The following ENTPD6 variants were observed in gnomAD, a reference collection of about 807,000 sequenced individuals.
The protein encoded by ENTPD6 is ectonucleoside triphosphate diphosphohydrolase 6, also known as CD39 antigen-like 2.
Under a neutral mutation model 61.5 loss-of-function variants are expected in ENTPD6, and 46 were observed. That is an observed-to-expected ratio of 0.75 (90% CI 0.59 to 0.96). ENTPD6 has a LOEUF of 0.96. Ranked by LOEUF, ENTPD6 falls within the 40% of genes least tolerant of loss-of-function variation. ENTPD6 has a pLI of 0.00. For missense variants in ENTPD6, 612 were observed against 629.0 expected (o/e 0.97, Z 0.29); for synonymous variants, 252 against 255.5 (o/e 0.99, Z 0.13).
At chr20:25,212,276 G>T (rs1375429638) in intron 4 of ENTPD6, among the ~76,000 whole-genome samples, 1 of 152,204 alleles carries the variant, frequency 6.6e-6, no homozygotes, top group Non-Finnish European at 1.5e-5. Context: ...GTGGCTCCTC[G>T]TTGTAGTTAT....
intron 1 of ENTPD6, among the ~76,000 whole-genome samples, chr20:25,196,452 G>T (rs146474355): frequency 2.6e-5 from 4 of 152,306 alleles, no homozygotes; most frequent in African/African-American, 9.6e-5. Flanking sequence ...ACATTCAACA[G>T]CCAGGAGAGC....
At chr20:25,205,590 G>A (rs2091418766) in intron 1 of ENTPD6, among the ~76,000 whole-genome samples, 3 of 152,214 alleles carry the variant, frequency 2.0e-5, no homozygotes. Flanking sequence ...GCCCCCGAGT[G>A]TGGTGGGACC....
intron 1 of ENTPD6, among the ~76,000 whole-genome samples, chr20:25,204,599 A>C (rs193072605): frequency 1.7e-4 from 26 of 152,236 alleles, no homozygotes; most frequent in African/African-American, 6.0e-4. Context: ...GTCATCCTAC[A>C]GCTTTGCCTA....
intron 13 of ENTPD6, chr20:25,224,918 T>G: frequency 2.3e-6 from 1 of 441,914 alleles, no homozygotes; most frequent in Non-Finnish European, 4.0e-6. Context: ...CTGGGAGAGG[T>G]GTCCAGGGTC....
chr20:25,213,333 C>G lies in ENTPD6; in HGVS notation c.524C>G (p.Thr175Ser). ...ATTCCGTTCGACTTCTGGAAGGCCA[C>G]CCCTCTGGTCCTCAAGGCCACAGCT... ...QDIPFDFWKA[T>S]PLVLKATAGL... Residue 175 changes from threonine to serine, a missense_variant, in exon 5 of 15, where the codon ACC becomes AGC. Coordinates refer to ENST00000376652, the MANE Select transcript of ENTPD6 (RefSeq NM_001247.5). 1 of 1,614,188 alleles carries G rather than the reference C, an allele frequency of 6.2e-7. No homozygotes were observed. Among genetic ancestry groups the G allele is most frequent in the Non-Finnish European group, 8.5e-7 (1 of 1,180,008 alleles).
intron 1 of ENTPD6, among the ~76,000 whole-genome samples, chr20:25,199,092 A>T (rs2090803200): frequency 6.6e-6 from 1 of 152,164 alleles, no homozygotes. Context: ...CTGGCTGAGC[A>T]GCTGCTGGGA....
intron 12 of ENTPD6, 38 bp downstream of exon 12, chr20:25,223,016 GCGGCAGGGGGC>G: frequency 6.4e-7 from 1 of 1,566,676 alleles, no homozygotes; most frequent in Non-Finnish European, 8.7e-7. Flanking sequence ...GAAGGTCGGG[GCGGCAGGGGGC>G]GGGGGTGGAG....
intron 2 of ENTPD6, among the ~76,000 whole-genome samples, chr20:25,206,857 G>A (rs2091540753): frequency 6.6e-6 from 1 of 152,190 alleles, no homozygotes; most frequent in Non-Finnish European, 1.5e-5. Context: ...GCGACCTTGA[G>A]CAGGCTGTCC....
chr20:25,205,600 C>T (rs2091419373), intron 1 of ENTPD6, among the ~76,000 whole-genome samples: 1 of 152,196 alleles, frequency 6.6e-6, no homozygotes, highest in African/African-American at 2.4e-5. Flanking sequence ...GTGGTGGGAC[C>T]CAGGCCCAGA....
chr20:25,221,959 G>A (rs569870221), intron 11 of ENTPD6: 22 of 156,438 alleles, frequency 1.4e-4, no homozygotes, highest in Non-Finnish European at 2.3e-4. Context: ...AGACAGTGAA[G>A]CTCATCGGGA....
At position 25,210,063 on chromosome 20, in the gene ENTPD6, G is replaced by C. The variant is rs557018811; in HGVS notation, c.453+138G>C. 148 of 825,528 alleles carry C rather than the reference G, an allele frequency of 1.8e-4. 1 individual carries two copies. The highest frequency in any genetic ancestry group is 4.2e-4 in the East Asian group (17 of 40,768). 51.1% of individuals were successfully genotyped at this position (825,528 alleles called of 1,614,324 possible). On this transcript the variant is annotated intron_variant, in intron 4 of 14. Coordinates refer to ENST00000376652, the MANE Select transcript of ENTPD6 (RefSeq NM_001247.5). Reference sequence around the variant, plus strand: ...TGCCTGGGCATTTCATGCCATTTGGGATGGTCAGAAGAGAGAAGGTGTGCA... The same window carrying C: ...TGCCTGGGCATTTCATGCCATTTGGCATGGTCAGAAGAGAGAAGGTGTGCA...
At position 25,222,963 on chromosome 20, in the gene ENTPD6, G is replaced by C; in HGVS notation, c.1171G>C (p.Gly391Arg). 1.2e-6 allele frequency: 2 copies of C among 1,613,844 alleles called. No individual in the cohort carries two copies. The highest frequency in any genetic ancestry group is 1.7e-6 in the Non-Finnish European group (2 of 1,179,982). The part of the protein sequence containing the change: ...AFSYYYDLAA[G>R]VGLIDAEKGG... ...CTCCTACTATTACGACCTTGCAGCT[G>C]GTGTGGGCCTCATAGGTAAGGGGGC... The change falls in exon 12 of 15, where the codon GGT becomes CGT. Residue 391 changes from glycine to arginine, a missense_variant. Coordinates refer to ENST00000376652, the MANE Select transcript of ENTPD6 (RefSeq NM_001247.5).
rs1172101956 is a variant in ENTPD6, at chr20:25,227,904, A to G, written c.*2307A>G. Among the ~76,000 whole-genome samples the G allele has an allele frequency of 6.6e-6, 1 of 152,290 alleles. No individual in the cohort carries two copies. The highest frequency in any genetic ancestry group is 2.4e-5 in the African/African-American group (1 of 41,484). On this transcript the variant is annotated 3_prime_UTR_variant, in exon 15 of 15. Transcript: ENST00000376652. The stretch of plus-strand genomic sequence containing the variant: ...ATCTTTGCCATTCTGGCAGATTTAA[A>G]AAAATGATAACTGGTAGTTTTAATA...
chr20:25,195,950 C>A, intron 1 of ENTPD6, 83 bp downstream of exon 1: 1 of 1,118,286 alleles, frequency 8.9e-7, no homozygotes, highest in Non-Finnish European at 1.1e-6. Flanking sequence ...GCGCGCTGCG[C>A]TCCGGAGGAC....
At chr20:25,209,792 A>T in intron 3 of ENTPD6, 57 bp from the exon 4 acceptor site, 1 of 1,436,200 alleles carries the variant, frequency 7.0e-7, no homozygotes, top group South Asian at 1.1e-5. Flanking sequence ...TCATGATTGT[A>T]TGTGTTCTCC....
intron 13 of ENTPD6, 80 bp from the exon 14 acceptor site, chr20:25,225,125 G>T: frequency 6.5e-7 from 1 of 1,532,180 alleles, no homozygotes. Flanking sequence ...CCTGTAGTGG[G>T]TGGAATTGGG....
At position 25,197,296 on chromosome 20, in the gene ENTPD6, C is replaced by G. The variant is rs909366202; in HGVS notation, c.-16+1429C>G. 2.7e-5 allele frequency: 25 copies of G among 940,586 alleles called. No homozygotes were observed. In the African/African-American group the frequency reaches 4.1e-4, roughly 15 times the overall value. 58.3% of individuals were successfully genotyped at this position (940,586 alleles called of 1,614,324 possible). A position where few individuals can be genotyped will look rare whatever the true frequency, so the allele number is the denominator to read the frequency against. ...AGCTCCTACCACCAACAACACTGCT[C>G]TACCCTCAGATTCTCTTCTCTGACT... On this transcript the variant is annotated intron_variant, in intron 1 of 14. Coordinates refer to ENST00000376652, the MANE Select transcript of ENTPD6 (RefSeq NM_001247.5).
intron 4 of ENTPD6, 69 bp from the exon 5 acceptor site, chr20:25,213,194 T>C: frequency 1.3e-6 from 2 of 1,596,268 alleles, no homozygotes; most frequent in African/African-American, 1.3e-5. Context: ...CCCAAAAGGG[T>C]GGAAGCAGCA....
intron 5 of ENTPD6, among the ~76,000 whole-genome samples, chr20:25,214,240 C>T (rs952203778): frequency 3.3e-5 from 5 of 152,194 alleles, no homozygotes; most frequent in African/African-American, 1.2e-4. Context: ...GCACAGGGCA[C>T]GCCTGTCAGG....
Sources: gnomAD v4.1 joint callset for allele counts (sites outside exome capture counted in the v4.1 genomes callset) on GRCh38, gnomAD v4.1.1 for gene constraint, MANE v1.5 for transcripts, NCBI Gene and HGNC (gene_info 2026-07-23, HGNC 2026-07-21) for gene names.